TBC1D5: variants seen among roughly 807,000 people sequenced by gnomAD.
The protein encoded by TBC1D5 is TBC1 domain family member 5, also known as TBC1 domain family, member 5.
A neutral mutation model predicts 100.3 loss-of-function variants in TBC1D5; 75 were observed. The ratio of observed to expected loss-of-function variants is 0.75; its 90% confidence interval spans 0.62 to 0.91. TBC1D5 has a LOEUF of 0.91. Among genes scored for constraint, TBC1D5 ranks in the 40% least tolerant of loss-of-function variants. The probability of loss-of-function intolerance (pLI) is 0.00; values close to 1 mark genes in which losing one functional copy is unlikely to be tolerated. For missense variants in TBC1D5, 910 were observed against 942.4 expected, an observed-to-expected ratio of 0.97 and a Z score of 0.45; for synonymous variants, 323 against 325.6, an observed-to-expected ratio of 0.99 and a Z score of 0.09.
intron 15 of TBC1D5, among the ~76,000 whole-genome samples, chr3:17,272,221 G>C (rs2079502661): frequency 6.6e-6 from 1 of 152,080 alleles, no homozygotes; most frequent in Non-Finnish European, 1.5e-5. Context: ...TTGATATCTA[G>C]AATCTTCAAA....
intron 1 of TBC1D5, among the ~76,000 whole-genome samples, chr3:17,656,727 T>A (rs1158599112): frequency 6.6e-6 from 1 of 152,212 alleles, no homozygotes; most frequent in Non-Finnish European, 1.5e-5. Context: ...TTTTTTAATA[T>A]GAGCTGAACT....
intron 14 of TBC1D5, 94 bp downstream of exon 14, chr3:17,307,898 T>G (rs1490458904): frequency 2.7e-6 from 4 of 1,506,504 alleles, no homozygotes; most frequent in Non-Finnish European, 3.6e-6. Context: ...TACATGCAAA[T>G]CAAATAATAA....
At chr3:17,224,195 G>A (rs1307479848) in intron 17 of TBC1D5, among the ~76,000 whole-genome samples, 1 of 152,162 alleles carries the variant, frequency 6.6e-6, no homozygotes, top group East Asian at 1.9e-4. Context: ...AGGGCAGGAA[G>A]TGTGGTCATT....
intron 3 of TBC1D5, among the ~76,000 whole-genome samples, chr3:17,483,864 AG>A (rs2095528644): frequency 6.6e-6 from 1 of 152,216 alleles, no homozygotes; most frequent in South Asian, 2.1e-4. Context: ...AACCTTTGAA[AG>A]AGTAAAAAAT....
At chr3:17,302,111 C>T (rs1226127254) in intron 14 of TBC1D5, among the ~76,000 whole-genome samples, 2 of 152,102 alleles carry the variant, frequency 1.3e-5, no homozygotes, top group Non-Finnish European at 2.9e-5. Flanking sequence ...GGGGAGAATC[C>T]TCCTTGCCTC....
intron 13 of TBC1D5, among the ~76,000 whole-genome samples, chr3:17,347,169 T>C (rs1287286978): frequency 6.6e-6 from 1 of 152,186 alleles, no homozygotes; most frequent in Non-Finnish European, 1.5e-5. Flanking sequence ...GTTTTGGATG[T>C]AGATCCTTCA....
intron 17 of TBC1D5, among the ~76,000 whole-genome samples, chr3:17,226,742 C>A (rs1387839493): frequency 6.6e-6 from 1 of 152,174 alleles, no homozygotes; most frequent in African/African-American, 2.4e-5. Flanking sequence ...AGGTACTGAT[C>A]TCAAGGATGC....
chr3:17,381,045 A>G (rs918851604), intron 9 of TBC1D5, among the ~76,000 whole-genome samples: 7 of 152,074 alleles, frequency 4.6e-5, no homozygotes, highest in African/African-American at 1.7e-4. Context: ...TTCTGTAAAA[A>G]ATCTATAGGA....
At chr3:17,163,928 AG>A (rs1346583141) in intron 21 of TBC1D5, among the ~76,000 whole-genome samples, 1 of 152,242 alleles carries the variant, frequency 6.6e-6, no homozygotes, top group Non-Finnish European at 1.5e-5. Flanking sequence ...AAGTACCAAA[AG>A]GGCAAGTGAT....
At chr3:17,344,835 A>C (rs1184529715) in intron 13 of TBC1D5, among the ~76,000 whole-genome samples, 2 of 152,202 alleles carry the variant, frequency 1.3e-5, no homozygotes, top group African/African-American at 2.4e-5. Flanking sequence ...TCTATTTAAT[A>C]AATGGTGCTG....
At chr3:17,178,113 T>G (rs1228957232) in intron 19 of TBC1D5, among the ~76,000 whole-genome samples, 3 of 145,276 alleles carry the variant, frequency 2.1e-5, no homozygotes, top group Admixed American at 1.4e-4. Flanking sequence ...TCGCCCAGGC[T>G]GGAGTGCAGT....
chr3:17,444,118 C>A (rs1208726313), intron 3 of TBC1D5, among the ~76,000 whole-genome samples: 2 of 151,956 alleles, frequency 1.3e-5, no homozygotes, highest in African/African-American at 4.8e-5. Context: ...ACTAATTTAA[C>A]CCACTCTAAT....
intron 1 of TBC1D5, among the ~76,000 whole-genome samples, chr3:17,693,546 G>A (rs766301201): frequency 7.2e-5 from 11 of 152,308 alleles, no homozygotes; most frequent in South Asian, 2.1e-4. Context: ...GTCCCCCATC[G>A]CTGAGGCTTC....
chr3:17,496,055 T>C lies in TBC1D5; in HGVS notation c.97+12419A>G, dbSNP rs559644028. Among the ~76,000 whole-genome samples the C allele has an allele frequency of 6.6e-5, 10 of 152,292 alleles. No homozygotes were observed. In the East Asian group the frequency reaches 1.9e-3, roughly 29 times the overall value. On this transcript the variant is annotated intron_variant, in intron 3 of 21. Coordinates refer to ENST00000253692, the Ensembl canonical transcript of TBC1D5. ...AACTTTGCTTTCTGACTTTCTACTT[T>C]CTCCTCCATCACTTTACAGCTAACA...
At chr3:17,261,062 CACT>C (rs1375488368) in intron 15 of TBC1D5, among the ~76,000 whole-genome samples, 1 of 152,148 alleles carries the variant, frequency 6.6e-6, no homozygotes, top group Admixed American at 6.5e-5. Flanking sequence ...ACCCGTACAC[CACT>C]ACATGGCTAT....
intron 19 of TBC1D5, among the ~76,000 whole-genome samples, chr3:17,178,600 T>C (rs768682160): frequency 1.1e-4 from 17 of 152,212 alleles, no homozygotes; most frequent in Non-Finnish European, 2.1e-4. Flanking sequence ...CTGTTCTCTA[T>C]AGTAGCTGTA....
At chr3:17,555,986 G>A (rs2096516031) in intron 2 of TBC1D5, among the ~76,000 whole-genome samples, 1 of 151,890 alleles carries the variant, frequency 6.6e-6, no homozygotes. Context: ...TTTATTTTTG[G>A]TTTACATCTC....
chr3:17,332,219 T>A lies in TBC1D5; in HGVS notation c.996-24085A>T, dbSNP rs1265009066. ...GGGTATTCTGGATATATTTTGAAGA[T>A]ACGGCCAATGTGATTTGTTAATTTA... On this transcript the variant is annotated intron_variant, in intron 13 of 21. Transcript: ENST00000253692. Among the ~76,000 whole-genome samples, 3 of 152,132 alleles carry A rather than the reference T, an allele frequency of 2.0e-5. No individual in the cohort carries two copies. In the South Asian group the frequency reaches 6.2e-4, roughly 32 times the overall value.
At chr3:17,389,861 G>A (rs146469409) in intron 8 of TBC1D5, among the ~76,000 whole-genome samples, 2 of 152,118 alleles carry the variant, frequency 1.3e-5, no homozygotes, top group East Asian at 3.9e-4. Context: ...AATGATCACT[G>A]CCTAAATCTA....
Sources: gnomAD v4.1 joint callset for allele counts (sites outside exome capture counted in the v4.1 genomes callset) on GRCh38, gnomAD v4.1.1 for gene constraint, MANE v1.5 for transcripts, NCBI Gene and HGNC (gene_info 2026-07-23, HGNC 2026-07-21) for gene names.